Variants in NACC2 observed in about 807,000 individuals in gnomAD.
NACC2 encodes the protein NACC family member 2, also known as nucleus accumbens-associated protein 2.
A neutral mutation model predicts 25.1 loss-of-function variants in NACC2; 8 were observed. That is an observed-to-expected ratio of 0.32 (90% confidence interval 0.19 to 0.57). The LOEUF is 0.57. Among genes scored for constraint, NACC2 ranks in the 20% least tolerant of loss-of-function variants. The pLI is 0.89. For missense variants in NACC2, 644 were observed against 650.2 expected (o/e 0.99, Z 0.10); for synonymous variants, 435 against 294.7 (o/e 1.48, Z -4.88).
rs1840083070 is a variant in NACC2 at position 136,010,233 on chromosome 9, C to T, written c.*1283G>A. Reference sequence around the variant, plus strand: ...CTGTCCCCTACCAGTGCCCATACCTCCAACTGCCCCAGCCCAGGCCTGTCC... The same window carrying T: ...CTGTCCCCTACCAGTGCCCATACCTTCAACTGCCCCAGCCCAGGCCTGTCC... On this transcript the variant is annotated 3_prime_UTR_variant, in exon 6 of 6. Coordinates refer to ENST00000277554, the MANE Select transcript of NACC2 (RefSeq NM_144653.5). The surrounding 1 kb of genome is among the most constrained non-coding windows in gnomAD (Gnocchi z 4.9). The T allele has an allele frequency of 6.5e-6, 1 of 152,904 alleles. No individual in the cohort carries two copies. Among genetic ancestry groups the T allele is most frequent in the Admixed American group, 6.5e-5 (1 of 15,294 alleles). The allele number at this position is 152,904 out of a possible 1,614,324, so 9.5% of individuals were successfully genotyped here.
chr9:136,050,755 C>T (rs1223063145), intron 1 of NACC2, among the ~76,000 whole-genome samples, 175 bp from the exon 2 acceptor site: 1 of 152,140 alleles, frequency 6.6e-6, no homozygotes. Context: ...CGGGGTCTCC[C>T]AGACCCCCTG....
chr9:136,011,649 G>A lies in NACC2; in HGVS notation c.1631C>T (p.Ala544Val), dbSNP rs776477960. ...GAGSVIQEVA[A>V]PEPLPADGQS... is the part of the protein sequence containing the mutation. The stretch of plus-strand genomic sequence containing the variant: ...GCCATCGGCGGGCAGCGGCTCGGGG[G>A]CGGCCACCTCCTGGATGACCGAGCC... The change falls in exon 6 of 6, where the codon GCC becomes GTC. Residue 544 changes from alanine to valine, a missense_variant. Ala to Val is a moderately conservative substitution (Grantham distance 64, BLOSUM62 0). Transcript: ENST00000277554. The A allele has an allele frequency of 4.6e-5, 64 of 1,405,840 alleles. No individual in the cohort carries two copies. Among genetic ancestry groups the A allele is most frequent in the Non-Finnish European group, 5.7e-5 (62 of 1,084,992 alleles). 87.1% of individuals were successfully genotyped at this position (1,405,840 alleles called of 1,614,324 possible).
intron 1 of NACC2, among the ~76,000 whole-genome samples, chr9:136,091,683 G>A (rs778290803): frequency 3.9e-5 from 6 of 152,268 alleles, no homozygotes; most frequent in Admixed American, 1.3e-4. Flanking sequence ...AACAGCAAAC[G>A]CAGGAAGGCC....
chr9:136,014,873 G>C lies in NACC2; in HGVS notation c.1052-904C>G, dbSNP rs1026138631. ...ACCACACCCCAGGTGTCCCACCAGG[G>C]TCTGGGTGAGCGAGGGCATGGACAA... On this transcript the variant is annotated intron_variant, in intron 3 of 5. Transcript: ENST00000277554. 3.9e-5 allele frequency among the ~76,000 whole-genome samples: 6 copies of C among 152,328 alleles called. No homozygotes were observed. In the East Asian group the frequency reaches 1.2e-3, roughly 29 times the overall value.
intron 2 of NACC2, among the ~76,000 whole-genome samples, chr9:136,031,378 C>T (rs1324017828): frequency 6.8e-6 from 1 of 147,592 alleles, no homozygotes; most frequent in Non-Finnish European, 1.5e-5. Flanking sequence ...TGCTCCATCA[C>T]CCAGGCTGGG....
At chr9:136,033,505 C>G (rs1448786434) in intron 2 of NACC2, among the ~76,000 whole-genome samples, 1 of 144,562 alleles carries the variant, frequency 6.9e-6, no homozygotes, top group Non-Finnish European at 1.6e-5. Context: ...CAAAAATTAG[C>G]CAGGCGTGGT....
chr9:136,082,604 G>A (rs887904847), intron 1 of NACC2, among the ~76,000 whole-genome samples: 1 of 152,238 alleles, frequency 6.6e-6, no homozygotes, highest in Non-Finnish European at 1.5e-5. Flanking sequence ...CTTAGCAGGT[G>A]CTGCTGAGCT....
At chr9:136,043,500 G>C (rs1205723051) in intron 2 of NACC2, among the ~76,000 whole-genome samples, 1 of 152,254 alleles carries the variant, frequency 6.6e-6, no homozygotes, top group Non-Finnish European at 1.5e-5. Context: ...CTGCTCTCAC[G>C]GGCTGCTGGT....
Position 136,076,808 on chromosome 9 carries a change from A to C in NACC2, c.-60+18381T>G, listed in dbSNP as rs1443887765. On this transcript the variant is annotated intron_variant, in intron 1 of 5. Coordinates refer to ENST00000277554, the MANE Select transcript of NACC2 (RefSeq NM_144653.5). ...TGGATCATGAGGTCAGGAGATCGAG[A>C]CCATCCTGGCTAACACGGTGAAACC... is the stretch of plus-strand genomic sequence containing the variant. Among the ~76,000 whole-genome samples, 6 of 152,220 alleles carry C rather than the reference A, an allele frequency of 3.9e-5. No individual in the cohort carries two copies. The East Asian group carries it at 1.2e-3, about 29-fold the overall frequency.
chr9:136,054,223 G>A (rs892995319), intron 1 of NACC2, among the ~76,000 whole-genome samples: 2 of 152,214 alleles, frequency 1.3e-5, no homozygotes, highest in East Asian at 1.9e-4. Context: ...TTCGGCCTGC[G>A]TCCGCACCTC....
At chr9:136,087,107 A>G (rs1455411912) in intron 1 of NACC2, among the ~76,000 whole-genome samples, 1 of 152,262 alleles carries the variant, frequency 6.6e-6, no homozygotes, top group Non-Finnish European at 1.5e-5. Context: ...ACGGAGGCAG[A>G]GACTGGGCCC....
At chr9:136,059,875 C>G (rs1427714401) in intron 1 of NACC2, among the ~76,000 whole-genome samples, 1 of 152,246 alleles carries the variant, frequency 6.6e-6, no homozygotes, top group Non-Finnish European at 1.5e-5. Flanking sequence ...ACCCCAACCC[C>G]TCCACCCTAA....
At position 136,013,139 on chromosome 9, in the gene NACC2, C is replaced by A; in HGVS notation, c.1255+60G>T. On this transcript the variant is annotated intron_variant, in intron 5 of 5. Coordinates refer to ENST00000277554, the MANE Select transcript of NACC2 (RefSeq NM_144653.5). This position sits in a 1 kb window ranked among gnomAD's most constrained non-coding sequence, Gnocchi z 6.6. ...CCCCCGCGGCCCACCCAGTCCTCCT[C>A]AGGCTGGGATCTGAACCCAGCCCCG... The A allele has an allele frequency of 6.9e-7, 1 of 1,447,598 alleles. No homozygotes were observed. The highest frequency in any genetic ancestry group is 1.8e-5 in the Admixed American group (1 of 56,894). 89.7% of individuals were successfully genotyped at this position (1,447,598 alleles called of 1,614,324 possible). A position where few individuals can be genotyped will look rare whatever the true frequency, so the allele number is the denominator to read the frequency against.
intron 1 of NACC2, among the ~76,000 whole-genome samples, chr9:136,076,268 TA>T (rs1271598158): frequency 6.6e-6 from 1 of 152,158 alleles, no homozygotes; most frequent in Non-Finnish European, 1.5e-5. Flanking sequence ...GTGCTGTAAC[TA>T]ACCCAACAAT....
intron 2 of NACC2, among the ~76,000 whole-genome samples, chr9:136,036,305 A>G (rs1419967804): frequency 6.6e-6 from 1 of 152,244 alleles, no homozygotes; most frequent in East Asian, 1.9e-4. Flanking sequence ...AAGGACGGCA[A>G]CTTGGAGATG....
chr9:136,060,337 G>A (rs1228431308), intron 1 of NACC2, among the ~76,000 whole-genome samples: 1 of 152,254 alleles, frequency 6.6e-6, no homozygotes, highest in African/African-American at 2.4e-5. Flanking sequence ...GGAGGCCCTG[G>A]AGCCGGCTGG....
At position 136,020,492 on chromosome 9, in the gene NACC2, C is replaced by T. The variant is rs984526477; in HGVS notation, c.887-4063G>A. On this transcript the variant is annotated intron_variant, in intron 2 of 5. Transcript: ENST00000277554. This position sits in a 1 kb window ranked among gnomAD's most constrained non-coding sequence, Gnocchi z 4.7. The stretch of plus-strand genomic sequence containing the variant: ...CCAGGGGAGTCTGTGCGGATGTGGG[C>T]GGCAGTGGCGAGTGGTAGGGCCGCC... Among the ~76,000 whole-genome samples, 1 of 152,192 alleles carries T rather than the reference C, an allele frequency of 6.6e-6. No homozygotes were observed.
chr9:136,079,138 G>T (rs749261928), intron 1 of NACC2, among the ~76,000 whole-genome samples: 2 of 151,478 alleles, frequency 1.3e-5, no homozygotes, highest in Admixed American at 6.6e-5. Context: ...TGTGCGTCCC[G>T]TCCTTAACAA....
At position 136,071,698 on chromosome 9, in the gene NACC2, G is replaced by A. The variant is rs1189305832; in HGVS notation, c.-59-21118C>T. 2.0e-5 allele frequency among the ~76,000 whole-genome samples: 3 copies of A among 152,200 alleles called. No homozygotes were observed. The East Asian group carries it at 5.8e-4, about 29-fold the overall frequency. On this transcript the variant is annotated intron_variant, in intron 1 of 5. Coordinates refer to ENST00000277554, the MANE Select transcript of NACC2 (RefSeq NM_144653.5). ...AGAAATCAGGCTACCTGATTTCAAG[G>A]CTTATTATAAACTATAGTGATCAAG...
Sources: gnomAD v4.1 joint callset for allele counts (sites outside exome capture counted in the v4.1 genomes callset) on GRCh38, gnomAD v4.1.1 for gene constraint, Gnocchi (gnomAD v3.1) non-coding constraint, MANE v1.5 for transcripts, NCBI Gene and HGNC (gene_info 2026-07-23, HGNC 2026-07-21) for gene names.